Variants in ATP5PF observed in about 807,000 individuals in gnomAD.
The protein encoded by ATP5PF is ATP synthase peripheral stalk subunit F6, also known as ATP synthase peripheral stalk subunit F6, mitochondrial.
Under a neutral mutation model 12.0 loss-of-function variants are expected in ATP5PF, and 7 were observed. That is an observed-to-expected ratio of 0.58 (90% CI 0.33 to 1.10). ATP5PF has a LOEUF of 1.10. Ranked by LOEUF, ATP5PF falls within the 50% of genes least tolerant of loss-of-function variation. The pLI is 0.03. For missense variants in ATP5PF, 120 were observed against 127.7 expected, an observed-to-expected ratio of 0.94 and a Z score of 0.29; for synonymous variants, 41 against 45.4, an observed-to-expected ratio of 0.90 and a Z score of 0.39.
intron 2 of ATP5PF, among the ~76,000 whole-genome samples, chr21:25,729,151 T>A (rs373501017): frequency 6.6e-6 from 1 of 152,076 alleles, no homozygotes; most frequent in Non-Finnish European, 1.5e-5. Flanking sequence ...AATAGCCTTT[T>A]AAAAAAAAGA....
At chr21:25,734,476 G>A in intron 1 of ATP5PF, 1 of 782,072 alleles carries the variant, frequency 1.3e-6, no homozygotes, top group Non-Finnish European at 1.6e-6. Context: ...CCCTCTTAAT[G>A]GTACACGTTC....
In ATP5PF at chr21:25,729,990, C is replaced by T. The variant is rs574435954; in HGVS notation, c.-7-189G>A. 3.3e-5 allele frequency among the ~76,000 whole-genome samples: 5 copies of T among 152,284 alleles called. No homozygotes were observed. The East Asian group carries it at 7.7e-4, about 23-fold the overall frequency. ...AGTTTTTTAGGTCTTAACCAAAAGG[C>T]TCTGGGATAATGGAACAGTTAGAAA... On this transcript the variant is annotated intron_variant, in intron 1 of 3. Transcript: ENST00000284971.
intron 2 of ATP5PF, among the ~76,000 whole-genome samples, chr21:25,728,648 T>G (rs1391325478): frequency 6.6e-6 from 1 of 152,154 alleles, no homozygotes; most frequent in Non-Finnish European, 1.5e-5. Context: ...TTCTTCACGT[T>G]TTTTTCTTTA....
chr21:25,734,642 G>C, intron 1 of ATP5PF: 1 of 464,370 alleles, frequency 2.2e-6, no homozygotes. Context: ...TGCCCTCAGA[G>C]AGGGTATCGA....
At position 25,729,796 on chromosome 21, in the gene ATP5PF, C is replaced by A. The variant is rs762129702; in HGVS notation, c.-2G>T. 1.2e-6 allele frequency: 2 copies of A among 1,611,874 alleles called. No individual in the cohort carries two copies. Among genetic ancestry groups the A allele is most frequent in the Non-Finnish European group, 1.7e-6 (2 of 1,179,476 alleles). On this transcript the variant is annotated 5_prime_UTR_variant, in exon 2 of 4. Coordinates refer to ENST00000284971, the MANE Select transcript of ATP5PF (RefSeq NM_001003703.2). ...CCTGAAGAGCCTCTGAAGAATCATG[C>A]TGATTCTGTTACAGAAAACAAGCAG...
At chr21:25,725,671 C>T (rs7276776) in intron 2 of ATP5PF, among the ~76,000 whole-genome samples, 13,786 of 152,270 alleles carry the variant, frequency 0.091, 714 homozygotes, top group Middle Eastern at 0.15. Context: ...ATCTCCTGAC[C>T]TCATGATCCG....
chr21:25,732,982 T>C (rs1385246847), intron 1 of ATP5PF, among the ~76,000 whole-genome samples: 2 of 44,132 alleles, frequency 4.5e-5, no homozygotes, highest in South Asian at 1.0e-3. Flanking sequence ...TGAAACTCTG[T>C]CTCAAAAAAA....
At chr21:25,735,526 T>C (rs1319705600), upstream of ATP5PF, 1 of 153,470 alleles carries the variant, frequency 6.5e-6, no homozygotes, top group African/African-American at 2.4e-5. Context: ...CCGCTGCCGT[T>C]CTCAGCCGGC....
intron 2 of ATP5PF, among the ~76,000 whole-genome samples, chr21:25,727,597 T>C (rs1005755723): frequency 4.6e-5 from 7 of 152,116 alleles, no homozygotes; most frequent in African/African-American, 1.7e-4. Context: ...CCCTCAGAAC[T>C]CTCCATGTGT....
intron 1 of ATP5PF, 33 bp from the exon 2 acceptor site, chr21:25,729,834 T>G (rs780784871): frequency 1.9e-6 from 3 of 1,593,402 alleles, no homozygotes; most frequent in Non-Finnish European, 2.6e-6. Context: ...GAAACGTTAA[T>G]ATACTTATTA....
At chr21:25,732,330 T>A (rs776738888) in intron 1 of ATP5PF, among the ~76,000 whole-genome samples, 2 of 152,128 alleles carry the variant, frequency 1.3e-5, no homozygotes, top group African/African-American at 2.4e-5. Context: ...AACTCTGGAA[T>A]GGCATGTAAA....
rs1358964233 is a variant in ATP5PF at position 25,729,718 on chromosome 21, C to G, written c.77G>C (p.Gly26Ala). 1.9e-6 allele frequency: 3 copies of G among 1,613,766 alleles called. No homozygotes were observed. Among genetic ancestry groups the G allele is most frequent in the Non-Finnish European group, 1.7e-6 (2 of 1,179,964 alleles). The change falls in exon 2 of 4, where the codon GGT becomes GCT. Residue 26 changes from glycine to alanine, a missense_variant. By Grantham distance (60) the Gly-to-Ala change is moderately conservative (BLOSUM62 0). Transcript: ENST00000284971. Reference protein sequence around the residue: ...AVSVHLRRNIGVTAVAFNKEL... With the variant: ...AVSVHLRRNIAVTAVAFNKEL... ...CTTATTAAATGCCACTGCTGTAACACCAATGTTCCTCCGCAAATGGACTGA... is the reference window on the plus strand; with the variant it reads ...CTTATTAAATGCCACTGCTGTAACAGCAATGTTCCTCCGCAAATGGACTGA...
intron 1 of ATP5PF, among the ~76,000 whole-genome samples, chr21:25,732,013 C>T (rs556031579): frequency 9.9e-5 from 15 of 152,244 alleles, no homozygotes; most frequent in Middle Eastern, 3.4e-3. Flanking sequence ...TCAAAAGTGT[C>T]CACAGGAGTG....
chr21:25,725,937 G>A (rs2034607749), intron 2 of ATP5PF, among the ~76,000 whole-genome samples: 1 of 152,210 alleles, frequency 6.6e-6, no homozygotes, highest in South Asian at 2.1e-4. Flanking sequence ...CAGGGTCTAA[G>A]TTGCAAAAGG....
chr21:25,732,829 C>T (rs1164458048), intron 1 of ATP5PF, among the ~76,000 whole-genome samples: 4 of 150,892 alleles, frequency 2.7e-5, no homozygotes, highest in Non-Finnish European at 5.9e-5. Context: ...ACCAAAAATA[C>T]AAAATTAGCC....
rs774671016 is a variant in ATP5PF, at chr21:25,729,654, A to C, written c.141T>G (p.Ile47Met). ...DPIQKLFVDK[I>M]REYKSKRQTS... ...ACTGTCGCTTAGATTTGTATTCTCT[A>C]ATCTTGTCCACAAAGAGTTTCTGTA... is the stretch of plus-strand genomic sequence containing the variant. The change falls in exon 2 of 4, where the codon ATT (isoleucine) becomes ATG (methionine). Residue 47 changes from isoleucine (I) to methionine (M), a missense_variant. Coordinates refer to ENST00000284971, the MANE Select transcript of ATP5PF (RefSeq NM_001003703.2). The C allele has an allele frequency of 7.9e-5, 127 of 1,612,908 alleles. No individual in the cohort carries two copies. In the Admixed American group the frequency reaches 2.1e-3, roughly 27 times the overall value.
At chr21:25,726,774 C>G (rs1337472948) in intron 2 of ATP5PF, among the ~76,000 whole-genome samples, 1 of 152,264 alleles carries the variant, frequency 6.6e-6, no homozygotes. Context: ...CTACTGCCTA[C>G]CTAGCAATGA....
chr21:25,734,863 G>A lies in ATP5PF; in HGVS notation c.-18C>T. The stretch of plus-strand genomic sequence containing the variant: ...TACCCTCCCAGTCACCTTGCACTCA[G>A]TCCCGAGCTGCCAAAGCCTCCGCCG... On this transcript the variant is annotated 5_prime_UTR_variant, in exon 1 of 4. Transcript: ENST00000284971. 6.5e-7 allele frequency: 1 copy of A among 1,542,988 alleles called. No homozygotes were observed. Among genetic ancestry groups the A allele is most frequent in the Non-Finnish European group, 8.7e-7 (1 of 1,147,704 alleles).
intron 3 of ATP5PF, 130 bp from the exon 4 acceptor site, chr21:25,724,807 G>A (rs2034573665): frequency 1.1e-6 from 1 of 893,552 alleles, no homozygotes; most frequent in Admixed American, 3.0e-5. Flanking sequence ...CATTTACATA[G>A]AAATATAGCT....
Sources: gnomAD v4.1 joint callset for allele counts (sites outside exome capture counted in the v4.1 genomes callset) on GRCh38, gnomAD v4.1.1 for gene constraint, MANE v1.5 for transcripts, NCBI Gene and HGNC (gene_info 2026-07-23, HGNC 2026-07-21) for gene names.